HYAL4: variants seen among roughly 807,000 people sequenced by gnomAD.
HYAL4 encodes the protein hyaluronidase 4.
In HYAL4, 37 loss-of-function variants were observed where a neutral mutation model predicts 35.2. The ratio of observed to expected loss-of-function variants is 1.05; its 90% confidence interval spans 0.81 to 1.38. The LOEUF is 1.38. Ranked by LOEUF, HYAL4 falls within the 40% of genes most tolerant of loss-of-function variation. The probability of loss-of-function intolerance (pLI) is 0.00; values close to 1 mark genes in which losing one functional copy is unlikely to be tolerated. For synonymous variants in HYAL4, 198 were observed against 203.2 expected (o/e 0.97, Z 0.22); for missense variants, 572 against 572.4 (o/e 1.00, Z 0.01).
At chr7:123,839,217 A>G (rs922542862) in intron 1 of HYAL4, among the ~76,000 whole-genome samples, 1 of 151,738 alleles carries the variant, frequency 6.6e-6, no homozygotes, top group African/African-American at 2.4e-5. Flanking sequence ...ATTCCCACCT[A>G]TGAGTGAGAA....
chr7:123,861,818 A>T (rs901453014), intron 2 of HYAL4, among the ~76,000 whole-genome samples: 7 of 152,178 alleles, frequency 4.6e-5, no homozygotes, highest in Non-Finnish European at 5.9e-5. Context: ...GTGTTCTTTG[A>T]TAATAACATA....
chr7:123,777,688 A>C, the HYAL4 span, among the ~76,000 whole-genome samples: 1 of 151,964 alleles, frequency 6.6e-6, no homozygotes, highest in African/African-American at 2.4e-5. Context: ...ATTTAAAAAT[A>C]TTTTTTTTAT....
chr7:123,792,962 CG>C, the HYAL4 span, among the ~76,000 whole-genome samples: 1 of 152,154 alleles, frequency 6.6e-6, no homozygotes. Context: ...GAGGTCCCTT[CG>C]GGCCAGCCTT....
chr7:123,770,895 A>G, the HYAL4 span, among the ~76,000 whole-genome samples: 2 of 152,228 alleles, frequency 1.3e-5, no homozygotes, highest in South Asian at 2.1e-4. Context: ...GAAGATATGA[A>G]TTAGAGATGG....
chr7:123,810,811 T>C, the HYAL4 span, among the ~76,000 whole-genome samples: 1 of 152,236 alleles, frequency 6.6e-6, no homozygotes, highest in Admixed American at 6.5e-5. Flanking sequence ...ATCCACTGTG[T>C]TCCACCTATT....
the HYAL4 span, among the ~76,000 whole-genome samples, chr7:123,792,583 T>C: frequency 6.6e-6 from 1 of 152,184 alleles, no homozygotes; most frequent in Admixed American, 6.5e-5. Flanking sequence ...GGTCTTTTAG[T>C]AGAAGCCCCT....
chr7:123,824,482 T>C (rs16871060), upstream of HYAL4, among the ~76,000 whole-genome samples: 1,864 of 152,260 alleles, frequency 0.012, 32 homozygotes, highest in African/African-American at 0.043. Flanking sequence ...TGAAAGCCTT[T>C]TGATACGGCT....
chr7:123,840,463 A>G (rs1185936971), upstream of HYAL4, among the ~76,000 whole-genome samples: 1 of 150,508 alleles, frequency 6.6e-6, no homozygotes, highest in Non-Finnish European at 1.5e-5. Flanking sequence ...TTGTCTTGGC[A>G]ATGTGGGCTC....
At chr7:123,791,279 G>A in the HYAL4 span, among the ~76,000 whole-genome samples, 21 of 152,072 alleles carry the variant, frequency 1.4e-4, no homozygotes, top group African/African-American at 5.1e-4. Context: ...GTCAACATGG[G>A]CATGTTGTTC....
rs890401597 is a variant in HYAL4, at chr7:123,868,744, G to A, written c.471G>A (p.Trp157Ter). 3.1e-6 allele frequency: 5 copies of A among 1,613,926 alleles called. No individual in the cohort carries two copies. Among genetic ancestry groups the A allele is most frequent in the Non-Finnish European group, 4.2e-6 (5 of 1,180,020 alleles). Reference sequence around the variant, plus strand: ...GGCGACCACAGTGGGCCCGGAACTGGAACTCAAAAGATGTTTACAGACAGA... The same window carrying A: ...GGCGACCACAGTGGGCCCGGAACTGAAACTCAAAAGATGTTTACAGACAGA... Reference protein sequence around the residue: ...EYWRPQWARNWNSKDVYRQKS... With the variant: ...EYWRPQWARN Residue 157 changes from tryptophan to a stop codon, truncating the protein, a stop_gained, in exon 3 of 5, where the codon TGG becomes TGA. Transcript: ENST00000223026. LOFTEE classifies it high-confidence loss of function.
the HYAL4 span, among the ~76,000 whole-genome samples, chr7:123,819,093 C>T: frequency 3.8e-4 from 58 of 152,286 alleles, 1 homozygote; most frequent in Non-Finnish European, 3.1e-4. Context: ...AATCCCCTCT[C>T]CCTCCTAACC....
chr7:123,854,354 C>T (rs1584918139), intron 2 of HYAL4, among the ~76,000 whole-genome samples: 1 of 152,138 alleles, frequency 6.6e-6, no homozygotes. Flanking sequence ...CTGATGTGGG[C>T]ATTTAGTGCT....
the HYAL4 span, among the ~76,000 whole-genome samples, chr7:123,769,480 A>C: frequency 6.6e-6 from 1 of 152,178 alleles, no homozygotes; most frequent in East Asian, 1.9e-4. Flanking sequence ...TGGGGTTAGA[A>C]TGGCCCTTCA....
chr7:123,795,321 T>A, the HYAL4 span, among the ~76,000 whole-genome samples: 1 of 152,152 alleles, frequency 6.6e-6, no homozygotes, highest in Non-Finnish European at 1.5e-5. Context: ...TTAGAATGAG[T>A]TAAGACTTTG....
the HYAL4 span, among the ~76,000 whole-genome samples, chr7:123,788,968 C>T: frequency 1.3e-5 from 2 of 152,164 alleles, no homozygotes; most frequent in African/African-American, 4.8e-5. Flanking sequence ...AGACCACCAC[C>T]ATGCATTAAA....
At chr7:123,842,899 C>T (rs373454714), upstream of HYAL4, among the ~76,000 whole-genome samples, 6 of 151,884 alleles carry the variant, frequency 4.0e-5, no homozygotes, top group African/African-American at 9.7e-5. Context: ...TGTCTTTGCA[C>T]GTGAGATGGG....
intron 2 of HYAL4, among the ~76,000 whole-genome samples, chr7:123,854,747 C>T (rs895706023): frequency 6.6e-6 from 1 of 152,066 alleles, no homozygotes; most frequent in Non-Finnish European, 1.5e-5. Flanking sequence ...CTACTTGGTC[C>T]AGAGCTGAGT....
chr7:123,872,930 G>A (rs1299019927), intron 3 of HYAL4, among the ~76,000 whole-genome samples: 1 of 152,164 alleles, frequency 6.6e-6, no homozygotes, highest in Non-Finnish European at 1.5e-5. Context: ...ACTTACTATA[G>A]ACCAATAATC....
At chr7:123,769,847 CA>C in the HYAL4 span, among the ~76,000 whole-genome samples, 3 of 137,788 alleles carry the variant, frequency 2.2e-5, no homozygotes, top group African/African-American at 7.9e-5. Flanking sequence ...CACCGTTAAA[CA>C]AAAAGTTGAC....
Sources: allele counts gnomAD v4.1 joint callset (sites outside exome capture counted in the v4.1 genomes callset), GRCh38; gene constraint gnomAD v4.1.1; transcripts MANE v1.5; gene names NCBI Gene and HGNC (gene_info 2026-07-23, HGNC 2026-07-21).